Variants in RYR1 observed in about 807,000 individuals in gnomAD.
The protein encoded by RYR1 is ryanodine receptor 1, also known as central core disease of muscle.
In RYR1, 342 loss-of-function variants were observed where a neutral mutation model predicts 583.5. That is an observed-to-expected ratio of 0.59 (90% CI 0.54 to 0.64). The LOEUF (loss-of-function observed/expected upper bound fraction) is 0.64, where lower values mean the gene tolerates loss of function less well. Ranked by LOEUF, RYR1 falls within the 30% of genes least tolerant of loss-of-function variation. The pLI is 0.00. For missense variants in RYR1, 6,032 were observed against 6,917.2 expected (o/e 0.87, Z 4.54); for synonymous variants, 2,791 against 2,822.5 (o/e 0.99, Z 0.35).
intron 93 of RYR1, among the ~76,000 whole-genome samples, chr19:38,569,254 G>A (rs541549558): frequency 5.2e-4 from 79 of 152,016 alleles, no homozygotes; most frequent in Non-Finnish European, 5.4e-4. Flanking sequence ...TGATCCACCC[G>A]CCTTGGCCTC....
intron 63 of RYR1, among the ~76,000 whole-genome samples, chr19:38,513,984 ATTT>A (rs1370338742): frequency 6.6e-6 from 1 of 151,988 alleles, no homozygotes; most frequent in African/African-American, 2.4e-5. Flanking sequence ...AATGTCTTTG[ATTT>A]TTTTAAAAGA....
intron 71 of RYR1, 79 bp from the exon 72 acceptor site, chr19:38,526,914 G>A: frequency 6.7e-7 from 1 of 1,495,206 alleles, no homozygotes; most frequent in Non-Finnish European, 9.3e-7. Flanking sequence ...CTGGGGTGCT[G>A]GGCCTGGAAG....
chr19:38,578,631 A>G (rs1034969891), intron 99 of RYR1, among the ~76,000 whole-genome samples: 1 of 152,010 alleles, frequency 6.6e-6, no homozygotes, highest in African/African-American at 2.4e-5. Context: ...TCAGGAGTTC[A>G]AGACAAACCT....
In RYR1 at chr19:38,463,760, A is replaced by G; in HGVS notation, c.2696A>G (p.Asn899Ser). 6.2e-7 allele frequency: 1 copy of G among 1,614,106 alleles called. No individual in the cohort carries two copies. The highest frequency in any genetic ancestry group is 8.5e-7 in the Non-Finnish European group (1 of 1,180,000). ...GWTYGPVRDD[N>S]KRLHPCLVDF... Reference sequence around the variant, plus strand: ...GGTTTTCTCCAGGTTCGGGATGACAACAAGAGGCTGCACCCGTGTCTTGTG... The same window carrying G: ...GGTTTTCTCCAGGTTCGGGATGACAGCAAGAGGCTGCACCCGTGTCTTGTG... The change falls in exon 22 of 106, where the codon AAC becomes AGC. Residue 899 changes from asparagine (N) to serine (S), a missense_variant. Physicochemically the swap from Asn to Ser is conservative, Grantham distance 46. Transcript: ENST00000359596.
chr19:38,544,968 G>A (rs527479260), intron 87 of RYR1, among the ~76,000 whole-genome samples: 1 of 152,274 alleles, frequency 6.6e-6, no homozygotes, highest in South Asian at 2.1e-4. Context: ...GCATTTGCAA[G>A]CAGGCTGTCT....
Position 38,519,355 on chromosome 19 carries a change from C to A in RYR1, c.10160C>A (p.Ala3387Asp), listed in dbSNP as rs1435723720. 2 of 1,611,240 alleles carry A rather than the reference C, an allele frequency of 1.2e-6. No individual in the cohort carries two copies. The highest frequency in any genetic ancestry group is 8.5e-7 in the Non-Finnish European group (1 of 1,178,838). The change falls in exon 67 of 106, where the codon GCC (alanine) becomes GAC (aspartate). Residue 3387 changes from alanine to aspartate, a missense_variant. Coordinates refer to ENST00000359596, the MANE Select transcript of RYR1 (RefSeq NM_000540.3). Reference protein sequence around the residue: ...EQLRLEAKAEAQEGELLVRDE... With the variant: ...EQLRLEAKAEDQEGELLVRDE... ...CTGCGCCTGGAGGCCAAGGCGGAGG[C>A]CCAGGAGGGCGAGCTGCTGGTGCGG...
At chr19:38,495,054 GTT>G in intron 39 of RYR1, among the ~76,000 whole-genome samples, 1 of 151,866 alleles carries the variant, frequency 6.6e-6, no homozygotes, top group Admixed American at 6.6e-5. Context: ...GTTTCACCAT[GTT>G]GATCAGACTA....
chr19:38,448,456 T>C lies in RYR1; in HGVS notation c.902T>C (p.Val301Ala), dbSNP rs563674815. The part of the protein sequence containing the change: ...ALTEDQGLVV[V>A]DASKAHTKAT... ...ACCGAGGACCAGGGCCTGGTGGTGG[T>C]TGACGCCAGCAAGGCTCACACCAAG... Residue 301 changes from valine (V) to alanine (A), a missense_variant, in exon 10 of 106, where the codon GTT becomes GCT. By Grantham distance (64) the Val-to-Ala change is moderately conservative (BLOSUM62 0). This residue lies in a region of RYR1 where 338 missense variants were observed against 441.6 expected (regional missense o/e 0.77). Transcript: ENST00000359596. 2 of 1,613,784 alleles carry C rather than the reference T, an allele frequency of 1.2e-6. No homozygotes were observed. The highest frequency in any genetic ancestry group is 2.2e-5 in the East Asian group (1 of 44,862).
rs368953453 is a variant in RYR1, at chr19:38,473,589, A to G, written c.3978A>G (p.Glu1326=). 3.8e-6 allele frequency: 6 copies of G among 1,585,578 alleles called. No individual in the cohort carries two copies. The highest frequency in any genetic ancestry group is 4.3e-6 in the Non-Finnish European group (5 of 1,166,380). The change falls in exon 28 of 106, where the codon GAA becomes GAG. Residue 1326 remains glutamate, a synonymous_variant. Coordinates refer to ENST00000359596, the MANE Select transcript of RYR1 (RefSeq NM_000540.3). Reference sequence around the variant, plus strand: ...CCGAGGACGAGGCCCGGGCGGCGGAACCCGACCCTGACTACGAAAACCTGC... The same window carrying G: ...CCGAGGACGAGGCCCGGGCGGCGGAGCCCGACCCTGACTACGAAAACCTGC... ...PPAEDEARAA[E]PDPDYENLRR...
In RYR1 at chr19:38,565,286, C is replaced by G. The variant is rs1285531553; in HGVS notation, c.12952C>G (p.Arg4318Gly). The G allele has an allele frequency of 9.9e-7, 1 of 1,008,538 alleles. No homozygotes were observed. The highest frequency in any genetic ancestry group is 1.7e-5 in the African/African-American group (1 of 57,194). The allele number at this position is 1,008,538 out of a possible 1,614,324, so 62.5% of individuals were successfully genotyped here. Reference protein sequence around the residue: ...LSYRSLRRRVRRLRRLTAREA... With the variant: ...LSYRSLRRRVGRLRRLTAREA... Reference sequence around the variant, plus strand: ...CTACCGCAGCCTGCGGCGGCGCGTGCGGCGGCTGCGGCGGCTTACGGCCCG... The same window carrying G: ...CTACCGCAGCCTGCGGCGGCGCGTGGGGCGGCTGCGGCGGCTTACGGCCCG... The change falls in exon 91 of 106, where the codon CGG (arginine) becomes GGG (glycine). Residue 4318 changes from arginine (R) to glycine (G), a missense_variant. Physicochemically the swap from Arg to Gly is moderately radical, Grantham distance 125. Coordinates refer to ENST00000359596, the MANE Select transcript of RYR1 (RefSeq NM_000540.3). This position sits in a 1 kb window ranked among gnomAD's most constrained non-coding sequence, Gnocchi z 4.7.
intron 101 of RYR1, among the ~76,000 whole-genome samples, chr19:38,582,407 G>GA (rs918321166): frequency 2.9e-4 from 41 of 139,214 alleles, no homozygotes; most frequent in East Asian, 1.4e-3. Context: ...CAAAAAAAAG[G>GA]AAAAAAAAAA....
At chr19:38,466,658 C>A (rs535924488) in intron 24 of RYR1, among the ~76,000 whole-genome samples, 2 of 152,032 alleles carry the variant, frequency 1.3e-5, no homozygotes, top group East Asian at 3.9e-4. Flanking sequence ...GGTGCCACCA[C>A]GCCTGGCTAA....
At chr19:38,482,132 A>C (rs1969041268) in intron 31 of RYR1, among the ~76,000 whole-genome samples, 1 of 151,834 alleles carries the variant, frequency 6.6e-6, no homozygotes, top group Admixed American at 6.6e-5. Flanking sequence ...AGAGTCTCAG[A>C]CCCCTTCCCA....
chr19:38,565,170 C>G lies in RYR1; in HGVS notation c.12836C>G (p.Ala4279Gly). 1.5e-6 allele frequency: 2 copies of G among 1,368,550 alleles called. No homozygotes were observed. The highest frequency in any genetic ancestry group is 1.9e-6 in the Non-Finnish European group (2 of 1,055,302). 84.8% of individuals were successfully genotyped at this position (1,368,550 alleles called of 1,614,324 possible). The change falls in exon 91 of 106, where the codon GCG becomes GGG. Residue 4279 changes from alanine (A) to glycine (G), a missense_variant. Physicochemically the swap from Ala to Gly is moderately conservative, Grantham distance 60. Transcript: ENST00000359596. The surrounding 1 kb of genome is among the most constrained non-coding windows in gnomAD (Gnocchi z 4.7). ...GGCGCGGAAGGCGCGGAGGAGGGCG[C>G]GGCGGGGCTCGAGGGCACGGCGGCC... The part of the protein sequence containing the change: ...EAGAEGAEEG[A>G]AGLEGTAATA...
intron 7 of RYR1, among the ~76,000 whole-genome samples, chr19:38,445,782 A>G (rs1972911791): frequency 6.6e-6 from 1 of 152,156 alleles, no homozygotes; most frequent in Non-Finnish European, 1.5e-5. Flanking sequence ...TGAGATCAGG[A>G]GTTCGAGACC....
At chr19:38,470,603 C>T (rs552586624) in intron 27 of RYR1, among the ~76,000 whole-genome samples, 3 of 152,000 alleles carry the variant, frequency 2.0e-5, no homozygotes, top group South Asian at 2.1e-4. Flanking sequence ...AAATTAATGG[C>T]GTGGTGGCGG....
Position 38,502,663 on chromosome 19 carries a change from CG to C in RYR1, c.7775del (p.Gly2592ValfsTer154). 1 of 1,611,120 alleles carries C rather than the reference CG, an allele frequency of 6.2e-7. No homozygotes were observed. On this transcript the variant is annotated frameshift_variant, in exon 48 of 106. Transcript: ENST00000359596. LOFTEE classifies it high-confidence loss of function. Reference sequence around the variant, plus strand: ...GCTGCATACCGTGTACCGCCTGTCTCGGGGTCGTTCGCTCACCAAGGCGCAG... The same window carrying C: ...GCTGCATACCGTGTACCGCCTGTCTCGGGTCGTTCGCTCACCAAGGCGCAG... The part of the protein sequence containing the change: ...SMLHTVYRLS[R>X]GRSLTKAQRD...
chr19:38,528,907 G>T, intron 75 of RYR1, 44 bp from the exon 76 acceptor site: 1 of 1,589,612 alleles, frequency 6.3e-7, no homozygotes. Context: ...GTGACAGGAG[G>T]GGACTCTAGA....
rs148094797 is a variant in RYR1, at chr19:38,463,503, C to T, written c.2658C>T (p.Ile886=). ...ACGAGCTCTGGGCGCTAACCCGCAT[C>T]GAGCAGGGCTGGACCTACGGCCCGG... ...NIHELWALTR[I]EQGWTYGPVR... Residue 886 remains isoleucine, a synonymous_variant, in exon 21 of 106, where the codon ATC becomes ATT. Transcript: ENST00000359596. 316 of 1,612,926 alleles carry T rather than the reference C, an allele frequency of 2.0e-4. No homozygotes were observed. The highest frequency in any genetic ancestry group is 5.5e-4 in the African/African-American group (41 of 74,924).
Sources: allele counts gnomAD v4.1 joint callset (sites outside exome capture counted in the v4.1 genomes callset), GRCh38; gene constraint gnomAD v4.1.1; regional missense constraint gnomAD v4.1.1; non-coding constraint Gnocchi (gnomAD v3.1); transcripts MANE v1.5; gene names NCBI Gene and HGNC (gene_info 2026-07-23, HGNC 2026-07-21).